Variants in NMT2 observed in about 807,000 individuals in gnomAD.
NMT2 encodes N-myristoyltransferase 2, also known as glycylpeptide N-tetradecanoyltransferase 2.
A neutral mutation model predicts 65.4 loss-of-function variants in NMT2; 35 were observed. The ratio of observed to expected loss-of-function variants is 0.54; its 90% CI spans 0.41 to 0.71. The LOEUF (loss-of-function observed/expected upper bound fraction) is 0.71, where lower values mean the gene tolerates loss of function less well. NMT2 is among the 30% of genes least tolerant of loss of function. NMT2 has a pLI of 0.00. For missense variants in NMT2, 489 were observed against 611.3 expected (o/e 0.80, Z 2.11); for synonymous variants, 226 against 231.8 (o/e 0.98, Z 0.23).
chr10:15,116,209 A>G (rs1488590995), intron 9 of NMT2, among the ~76,000 whole-genome samples: 2 of 152,220 alleles, frequency 1.3e-5, no homozygotes, highest in African/African-American at 4.8e-5. Flanking sequence ...CCTTAAAATA[A>G]TCAAAACCAT....
intron 1 of NMT2, among the ~76,000 whole-genome samples, chr10:15,166,622 C>T (rs1833385489): frequency 6.6e-6 from 1 of 152,116 alleles, no homozygotes; most frequent in Non-Finnish European, 1.5e-5. Context: ...TACAATACAT[C>T]CATTATGTTA....
rs1845613217 is a variant in NMT2 at position 15,112,926 on chromosome 10, T to C, written c.1208A>G (p.Tyr403Cys). The C allele has an allele frequency of 6.2e-7, 1 of 1,613,906 alleles. No homozygotes were observed. Among genetic ancestry groups the C allele is most frequent in the Admixed American group, 1.7e-5 (1 of 59,988 alleles). ...NGKLTDFLSF[Y>C]TLPSTVMHHP... Reference sequence around the variant, plus strand: ...GTGCATCACCGTGGAGGGGAGCGTATAGAAGCTCAGGAAATCAGTCAGTTT... The same window carrying C: ...GTGCATCACCGTGGAGGGGAGCGTACAGAAGCTCAGGAAATCAGTCAGTTT... The change falls in exon 10 of 12, where the codon TAT becomes TGT. Residue 403 changes from tyrosine (Y) to cysteine (C), a missense_variant. By Grantham distance (194) the Tyr-to-Cys change is radical (BLOSUM62 -2). Coordinates refer to ENST00000378165, the MANE Select transcript of NMT2 (RefSeq NM_004808.3).
intron 1 of NMT2, among the ~76,000 whole-genome samples, chr10:15,146,936 A>T (rs1846983691): frequency 6.6e-6 from 1 of 151,804 alleles, no homozygotes; most frequent in Non-Finnish European, 1.5e-5. Flanking sequence ...TCTACAAAAA[A>T]ATTAAAATTA....
intron 2 of NMT2, among the ~76,000 whole-genome samples, chr10:15,138,661 A>G (rs1415010005): frequency 6.6e-6 from 1 of 152,346 alleles, no homozygotes; most frequent in East Asian, 1.9e-4. Flanking sequence ...TAAGAAGTTT[A>G]TAAGAATCCA....
chr10:15,119,246 G>T, intron 9 of NMT2, 97 bp downstream of exon 9: 1 of 1,045,658 alleles, frequency 9.6e-7, no homozygotes, highest in Non-Finnish European at 1.4e-6. Flanking sequence ...AATGTTCTGT[G>T]ATGAAATAGA....
intron 1 of NMT2, among the ~76,000 whole-genome samples, chr10:15,165,675 C>T (rs928767613): frequency 2.0e-5 from 3 of 151,920 alleles, no homozygotes; most frequent in Admixed American, 6.6e-5. Flanking sequence ...GTCAGAAGTT[C>T]GAGACCAGCC....
At chr10:15,119,617 CG>C in intron 8 of NMT2, 104 bp from the exon 9 acceptor site, 1 of 893,738 alleles carries the variant, frequency 1.1e-6, no homozygotes, top group South Asian at 1.5e-5. Flanking sequence ...ATGAGCAGCA[CG>C]CGGGAGCTAG....
intron 1 of NMT2, among the ~76,000 whole-genome samples, chr10:15,165,990 A>T (rs760949107): frequency 3.3e-5 from 5 of 152,158 alleles, no homozygotes; most frequent in Non-Finnish European, 7.3e-5. Flanking sequence ...AACATCTGAT[A>T]TTTCATTCAT....
Position 15,163,773 on chromosome 10 carries a change from C to A in NMT2, c.110+4730G>T, listed in dbSNP as rs182933505. On this transcript the variant is annotated intron_variant, in intron 1 of 11. Coordinates refer to ENST00000378165, the MANE Select transcript of NMT2 (RefSeq NM_004808.3). ...CCCAAAGAAGAACTTCCTTTTTTTA[C>A]CCCCTAAATTGGGGATGGTAGAAGA... Among the ~76,000 whole-genome samples, 940 of 152,230 alleles carry A rather than the reference C, an allele frequency of 6.2e-3. 11 individuals are homozygous for A. The highest frequency in any genetic ancestry group is 0.021 in the African/African-American group (891 of 41,534).
chr10:15,153,027 C>T (rs1554825742), intron 1 of NMT2, among the ~76,000 whole-genome samples: 1 of 151,788 alleles, frequency 6.6e-6, no homozygotes, highest in Non-Finnish European at 1.5e-5. Flanking sequence ...AGCAGCCCCC[C>T]TTTTTTTTAT....
In NMT2 at chr10:15,106,049, C is replaced by T; in HGVS notation, c.*3146G>A. On this transcript the variant is annotated 3_prime_UTR_variant, in exon 12 of 12. Coordinates refer to ENST00000378165, the MANE Select transcript of NMT2 (RefSeq NM_004808.3). ...TCACTCTGTTGCCCAGGCTGGAGTG[C>T]AGTGGTGTGATCCCGGCTCACTGCA... is the stretch of plus-strand genomic sequence containing the variant. 1 of 397,990 alleles carries T rather than the reference C, an allele frequency of 2.5e-6. No individual in the cohort carries two copies. The highest frequency in any genetic ancestry group is 3.1e-5 in the Admixed American group (1 of 32,040). The allele number at this position is 397,990 out of a possible 1,614,324, so 24.7% of individuals were successfully genotyped here. A position where few individuals can be genotyped will look rare whatever the true frequency, so the allele number is the denominator to read the frequency against.
At chr10:15,123,343 G>A (rs988953576) in intron 8 of NMT2, among the ~76,000 whole-genome samples, 4 of 151,756 alleles carry the variant, frequency 2.6e-5, no homozygotes, top group Non-Finnish European at 5.9e-5. Context: ...TCAAGAGATC[G>A]AGACCATCCT....
intron 1 of NMT2, chr10:15,155,109 C>G (rs779866326): frequency 6.9e-7 from 1 of 1,458,680 alleles, no homozygotes; most frequent in Non-Finnish European, 9.6e-7. Context: ...GCCACCAGTG[C>G]CATTATGGCA....
chr10:15,150,685 C>T (rs762765159), intron 1 of NMT2, among the ~76,000 whole-genome samples: 1 of 152,096 alleles, frequency 6.6e-6, no homozygotes, highest in African/African-American at 2.4e-5. Context: ...GGACAAAGAT[C>T]ATCATCAAAG....
rs1453416100 is a variant in NMT2 at position 15,168,487 on chromosome 10, A to G, written c.110+16T>C. On this transcript the variant is annotated intron_variant, in intron 1 of 11. Transcript: ENST00000378165. ...CCCGCCCTGTCGCGCCCGGTGCGCCAGCGCGCCGCCCCTACCCTTTGGCGT... is the reference window on the plus strand; with the variant it reads ...CCCGCCCTGTCGCGCCCGGTGCGCCGGCGCGCCGCCCCTACCCTTTGGCGT... 2 of 1,559,190 alleles carry G rather than the reference A, an allele frequency of 1.3e-6. No homozygotes were observed. The highest frequency in any genetic ancestry group is 1.7e-5 in the Admixed American group (1 of 57,780).
In NMT2 at chr10:15,108,095, TCC is replaced by T; in HGVS notation, c.*1098_*1099del. 2.0e-6 allele frequency: 2 copies of T among 985,632 alleles called. No homozygotes were observed. The highest frequency in any genetic ancestry group is 2.4e-6 in the Non-Finnish European group (2 of 829,926). 61.1% of individuals were successfully genotyped at this position (985,632 alleles called of 1,614,324 possible). ...TCTTTTGACTTTACAGTTTTTTATT[TCC>T]TTTTCTTCATATATCCTTGATGTTG... On this transcript the variant is annotated 3_prime_UTR_variant, in exon 12 of 12. Coordinates refer to ENST00000378165, the MANE Select transcript of NMT2 (RefSeq NM_004808.3).
At position 15,112,911 on chromosome 10, in the gene NMT2, G is replaced by C. The variant is rs772562630; in HGVS notation, c.1223C>G (p.Thr408Arg). The C allele has an allele frequency of 6.2e-7, 1 of 1,613,998 alleles. No individual in the cohort carries two copies. The highest frequency in any genetic ancestry group is 8.5e-7 in the Non-Finnish European group (1 of 1,180,010). ...DFLSFYTLPS[T>R]VMHHPAHKSL... ...CTTGTGAGCAGGGTGGTGCATCACCGTGGAGGGGAGCGTATAGAAGCTCAG... is the reference window on the plus strand; with the variant it reads ...CTTGTGAGCAGGGTGGTGCATCACCCTGGAGGGGAGCGTATAGAAGCTCAG... The change falls in exon 10 of 12, where the codon ACG (threonine) becomes AGG (arginine). Residue 408 changes from threonine to arginine, a missense_variant. Coordinates refer to ENST00000378165, the MANE Select transcript of NMT2 (RefSeq NM_004808.3).
intron 8 of NMT2, among the ~76,000 whole-genome samples, chr10:15,120,685 G>A (rs904046382): frequency 9.2e-5 from 14 of 152,142 alleles, no homozygotes; most frequent in African/African-American, 2.4e-4. Flanking sequence ...CATTAAAAGC[G>A]TGTGGTGATT....
intron 3 of NMT2, among the ~76,000 whole-genome samples, chr10:15,134,582 C>T (rs975890862): frequency 6.6e-6 from 1 of 152,214 alleles, no homozygotes; most frequent in Non-Finnish European, 1.5e-5. Context: ...CAGGTGTGTG[C>T]CCTGGACTAT....
Sources: gnomAD v4.1 joint callset for allele counts (sites outside exome capture counted in the v4.1 genomes callset) on GRCh38, gnomAD v4.1.1 for gene constraint, MANE v1.5 for transcripts, NCBI Gene and HGNC (gene_info 2026-07-23, HGNC 2026-07-21) for gene names.